GALNT18: variants seen among roughly 807,000 people sequenced by gnomAD.
GALNT18 encodes polypeptide N-acetylgalactosaminyltransferase 18.
Under a neutral mutation model 69.5 loss-of-function variants are expected in GALNT18, and 44 were observed. The observed-to-expected ratio is 0.63, with a 90% CI of 0.50 to 0.81. GALNT18 has a LOEUF of 0.81. Among genes scored for constraint, GALNT18 ranks in the 40% least tolerant of loss-of-function variants. The probability of loss-of-function intolerance (pLI) is 0.00; values close to 1 mark genes in which losing one functional copy is unlikely to be tolerated. For missense variants in GALNT18, 715 were observed against 810.0 expected (o/e 0.88, Z 1.42); for synonymous variants, 364 against 318.2 (o/e 1.14, Z -1.53).
chr11:11,330,114 C>T (rs1332439267), intron 8 of GALNT18, among the ~76,000 whole-genome samples: 3 of 152,166 alleles, frequency 2.0e-5, no homozygotes, highest in Admixed American at 6.5e-5. Context: ...AACTTATGCC[C>T]ACACGATGGG....
At chr11:11,424,962 A>G (rs2133781468) in intron 3 of GALNT18, among the ~76,000 whole-genome samples, 1 of 152,204 alleles carries the variant, frequency 6.6e-6, no homozygotes, top group East Asian at 1.9e-4. Context: ...AAGCGATGAG[A>G]CTGCCTGTGC....
At chr11:11,278,651 A>T (rs953714557) in intron 10 of GALNT18, among the ~76,000 whole-genome samples, 3 of 150,388 alleles carry the variant, frequency 2.0e-5, no homozygotes, top group Non-Finnish European at 3.0e-5. Context: ...AGTTAAAATT[A>T]AAAAAAAAAT....
At chr11:11,501,255 T>TA in intron 1 of GALNT18, among the ~76,000 whole-genome samples, 1 of 152,254 alleles carries the variant, frequency 6.6e-6, no homozygotes, top group East Asian at 1.9e-4. Flanking sequence ...TGGTTTGTGT[T>TA]AGAAAAAAAA....
rs554049409 is a variant in GALNT18, at chr11:11,369,491, C to T, written c.1092+3024G>A. Among the ~76,000 whole-genome samples, 157 of 152,184 alleles carry T rather than the reference C, an allele frequency of 1.0e-3. 1 individual carries two copies. Among genetic ancestry groups the T allele is most frequent in the Non-Finnish European group, 1.8e-3 (119 of 68,000 alleles). On this transcript the variant is annotated intron_variant, in intron 6 of 10. Coordinates refer to ENST00000227756, the MANE Select transcript of GALNT18 (RefSeq NM_198516.3). ...GGACATCAGTCTCGTTGGATTAGGGCCCACCCTAATCCAGCACAATTTTGT... is the reference window on the plus strand; with the variant it reads ...GGACATCAGTCTCGTTGGATTAGGGTCCACCCTAATCCAGCACAATTTTGT...
intron 1 of GALNT18, among the ~76,000 whole-genome samples, chr11:11,547,947 C>G (rs1451562433): frequency 6.6e-6 from 1 of 152,170 alleles, no homozygotes; most frequent in African/African-American, 2.4e-5. Flanking sequence ...GCCATTCCCT[C>G]CGCCTGAAAC....
Position 11,619,657 on chromosome 11 carries a change from A to C in GALNT18, c.235+1702T>G, listed in dbSNP as rs139559791. Reference sequence around the variant, plus strand: ...CTCAAAATCTGTCGGCAAACTAGAAATGTCAAAGTAAGGCATGGCTTTGTG... The same window carrying C: ...CTCAAAATCTGTCGGCAAACTAGAACTGTCAAAGTAAGGCATGGCTTTGTG... On this transcript the variant is annotated intron_variant, in intron 1 of 10. Coordinates refer to ENST00000227756, the MANE Select transcript of GALNT18 (RefSeq NM_198516.3). This position sits in a 1 kb window ranked among gnomAD's most constrained non-coding sequence, Gnocchi z 4.9. Among the ~76,000 whole-genome samples, 26 of 152,334 alleles carry C rather than the reference A, an allele frequency of 1.7e-4. No individual in the cohort carries two copies. In the East Asian group the frequency reaches 4.4e-3, roughly 26 times the overall value.
intron 3 of GALNT18, among the ~76,000 whole-genome samples, chr11:11,400,615 G>C (rs1039508426): frequency 6.6e-6 from 1 of 152,158 alleles, no homozygotes; most frequent in Non-Finnish European, 1.5e-5. Context: ...TCCAGTGTCT[G>C]GTGAGGGCAC....
At chr11:11,417,407 T>C (rs1854891972) in intron 3 of GALNT18, among the ~76,000 whole-genome samples, 1 of 151,616 alleles carries the variant, frequency 6.6e-6, no homozygotes, top group Admixed American at 6.6e-5. Flanking sequence ...TCAACAGGGA[T>C]GCCTGAGATA....
chr11:11,579,161 G>GACATAAAC (rs1476944835), intron 1 of GALNT18, among the ~76,000 whole-genome samples: 1 of 152,200 alleles, frequency 6.6e-6, no homozygotes, highest in African/African-American at 2.4e-5. Flanking sequence ...TGTGAATCTG[G>GACATAAAC]ACATTTGTTT....
At chr11:11,419,164 A>G (rs1253366207) in intron 3 of GALNT18, among the ~76,000 whole-genome samples, 2 of 152,242 alleles carry the variant, frequency 1.3e-5, no homozygotes, top group Non-Finnish European at 2.9e-5. Context: ...CTAGCAGCAC[A>G]GAAGGGGTCA....
intron 6 of GALNT18, among the ~76,000 whole-genome samples, chr11:11,343,172 C>T (rs929466710): frequency 6.6e-6 from 1 of 151,842 alleles, no homozygotes; most frequent in Non-Finnish European, 1.5e-5. Flanking sequence ...GGTGAGACCT[C>T]ATCTCTGCTG....
intron 1 of GALNT18, among the ~76,000 whole-genome samples, chr11:11,488,539 G>C (rs1369465177): frequency 6.6e-6 from 1 of 152,250 alleles, no homozygotes; most frequent in East Asian, 1.9e-4. Context: ...TTAGGATGTG[G>C]ACCTCTTTGG....
intron 1 of GALNT18, among the ~76,000 whole-genome samples, chr11:11,453,555 G>A (rs1855853684): frequency 6.6e-6 from 1 of 152,074 alleles, no homozygotes. Context: ...ATATGGTTTG[G>A]CTACGTCCCC....
chr11:11,487,526 C>T lies in GALNT18; in HGVS notation c.236-38590G>A, dbSNP rs542587489. On this transcript the variant is annotated intron_variant, in intron 1 of 10. Transcript: ENST00000227756. ...TCCAGTGAATATGTAAGTTTTGAGACCCACTGAAAATACTCATTCATCTGT... is the reference window on the plus strand; with the variant it reads ...TCCAGTGAATATGTAAGTTTTGAGATCCACTGAAAATACTCATTCATCTGT... Among the ~76,000 whole-genome samples, 350 of 152,294 alleles carry T rather than the reference C, an allele frequency of 2.3e-3. 3 individuals are homozygous for T. The highest frequency in any genetic ancestry group is 8.2e-3 in the African/African-American group (341 of 41,552).
intron 3 of GALNT18, among the ~76,000 whole-genome samples, chr11:11,426,742 T>G (rs1047724186): frequency 2.6e-5 from 4 of 152,010 alleles, no homozygotes; most frequent in Admixed American, 2.0e-4. Flanking sequence ...AGTGCTGCCC[T>G]TTAAACGGAG....
intron 1 of GALNT18, among the ~76,000 whole-genome samples, chr11:11,479,308 C>A (rs4910358): frequency 0.14 from 21,294 of 152,132 alleles, 1,798 homozygotes; most frequent in East Asian, 0.34. Flanking sequence ...ATACTGTCTA[C>A]CGTTTTAACC....
At chr11:11,554,681 T>C (rs539333502) in intron 1 of GALNT18, among the ~76,000 whole-genome samples, 3 of 152,182 alleles carry the variant, frequency 2.0e-5, no homozygotes, top group Non-Finnish European at 4.4e-5. Flanking sequence ...ATGGAACTGA[T>C]GTTCCATGGA....
At position 11,523,079 on chromosome 11, in the gene GALNT18, T is replaced by G. The variant is rs11601160; in HGVS notation, c.236-74143A>C. ...AAGTAGCAATTTACATGCTTTTTCT[T>G]ATTACAAGCCCTTTCATTATGTCCG... is the stretch of plus-strand genomic sequence containing the variant. On this transcript the variant is annotated intron_variant, in intron 1 of 10. Transcript: ENST00000227756. The surrounding 1 kb of genome is among the most constrained non-coding windows in gnomAD (Gnocchi z 4.3). Among the ~76,000 whole-genome samples the G allele has an allele frequency of 0.22, 33,118 of 152,194 alleles. 4,244 individuals are homozygous for G. Among genetic ancestry groups the G allele is most frequent in the Non-Finnish European group, 0.27 (18,446 of 67,990 alleles).
rs1293796391 is a variant in GALNT18 at position 11,563,234 on chromosome 11, C to A, written c.235+58125G>T. Among the ~76,000 whole-genome samples the A allele has an allele frequency of 6.6e-6, 1 of 152,170 alleles. No homozygotes were observed. The highest frequency in any genetic ancestry group is 2.4e-5 in the African/African-American group (1 of 41,428). On this transcript the variant is annotated intron_variant, in intron 1 of 10. Coordinates refer to ENST00000227756, the MANE Select transcript of GALNT18 (RefSeq NM_198516.3). This position sits in a 1 kb window ranked among gnomAD's most constrained non-coding sequence, Gnocchi z 4.6. ...TAATGTGGCTGTTCACCTTGCACCTCCCCGGATCAAGAGACTTGGCTCTTC... is the reference window on the plus strand; with the variant it reads ...TAATGTGGCTGTTCACCTTGCACCTACCCGGATCAAGAGACTTGGCTCTTC...
Sources: gnomAD v4.1 joint callset for allele counts (sites outside exome capture counted in the v4.1 genomes callset) on GRCh38, gnomAD v4.1.1 for gene constraint, Gnocchi (gnomAD v3.1) non-coding constraint, MANE v1.5 for transcripts, NCBI Gene and HGNC (gene_info 2026-07-23, HGNC 2026-07-21) for gene names.